Variants in SLC25A13 observed in about 807,000 individuals in gnomAD.
SLC25A13 encodes the protein electrogenic aspartate/glutamate antiporter SLC25A13, mitochondrial.
A neutral mutation model predicts 85.5 loss-of-function variants in SLC25A13; 70 were observed. The observed-to-expected ratio is 0.82, with a 90% confidence interval of 0.68 to 1.00. SLC25A13 has a LOEUF of 1.00. Ranked by LOEUF, SLC25A13 falls within the 50% of genes least tolerant of loss-of-function variation. The probability of loss-of-function intolerance (pLI) is 0.00; values close to 1 mark genes in which losing one functional copy is unlikely to be tolerated. For missense variants in SLC25A13, 765 were observed against 819.8 expected (o/e 0.93, Z 0.82); for synonymous variants, 259 against 288.7 (o/e 0.90, Z 1.04).
chr7:96,256,855 T>C lies in SLC25A13; in HGVS notation c.212+20341A>G, dbSNP rs536059979. ...CTCAGCAAATGTAAAAGAATGGAAA[T>C]CAAAACAGTCTCTCAGACCACAGTG... On this transcript the variant is annotated intron_variant, in intron 3 of 17. Coordinates refer to ENST00000265631, the MANE Select transcript of SLC25A13 (RefSeq NM_014251.3). Among the ~76,000 whole-genome samples the C allele has an allele frequency of 1.2e-4, 18 of 151,724 alleles. No homozygotes were observed. The South Asian group carries it at 2.1e-3, about 18-fold the overall frequency.
intron 4 of SLC25A13, among the ~76,000 whole-genome samples, chr7:96,218,868 A>G (rs577824244): frequency 6.6e-6 from 1 of 152,318 alleles, no homozygotes; most frequent in Non-Finnish European, 1.5e-5. Context: ...AAATCCTCAA[A>G]GAAAGTTGTG....
chr7:96,224,535 T>C (rs1446850697), intron 4 of SLC25A13, among the ~76,000 whole-genome samples: 1 of 152,036 alleles, frequency 6.6e-6, no homozygotes, highest in African/African-American at 2.4e-5. Flanking sequence ...GTCCTGTGAT[T>C]CTCCCCTTCA....
At chr7:96,182,610 C>T (rs759413483) in intron 11 of SLC25A13, among the ~76,000 whole-genome samples, 3 of 152,210 alleles carry the variant, frequency 2.0e-5, no homozygotes, top group Non-Finnish European at 4.4e-5. Flanking sequence ...AGAGTGGAAG[C>T]CTCTTTGCAT....
At chr7:96,137,085 G>GC (rs1411693464) in intron 14 of SLC25A13, among the ~76,000 whole-genome samples, 10 of 152,164 alleles carry the variant, frequency 6.6e-5, no homozygotes, top group Non-Finnish European at 1.5e-4. Context: ...CTTCCCCCAA[G>GC]CAAGTTAACC....
intron 11 of SLC25A13, among the ~76,000 whole-genome samples, chr7:96,182,374 T>G (rs1350239068): frequency 1.3e-5 from 2 of 151,946 alleles, no homozygotes; most frequent in African/African-American, 4.9e-5. Flanking sequence ...GAACTAATCT[T>G]ATATTCACAC....
intron 11 of SLC25A13, among the ~76,000 whole-genome samples, chr7:96,180,248 C>T (rs1794369982): frequency 6.6e-6 from 1 of 152,130 alleles, no homozygotes; most frequent in Non-Finnish European, 1.5e-5. Flanking sequence ...GATCTAATTA[C>T]TCTTTCTGGG....
chr7:96,184,074 C>T (rs1794526258), intron 11 of SLC25A13, among the ~76,000 whole-genome samples: 1 of 152,168 alleles, frequency 6.6e-6, no homozygotes, highest in Admixed American at 6.5e-5. Context: ...CAACAGAGCA[C>T]TATAAATAAT....
chr7:96,146,175 A>T (rs1157391225), intron 14 of SLC25A13, among the ~76,000 whole-genome samples: 2 of 152,216 alleles, frequency 1.3e-5, no homozygotes, highest in Non-Finnish European at 2.9e-5. Context: ...TATAGAGAAA[A>T]CATGGATCGG....
intron 15 of SLC25A13, among the ~76,000 whole-genome samples, chr7:96,123,838 G>A (rs114547086): frequency 0.019 from 2,935 of 152,272 alleles, 73 homozygotes; most frequent in African/African-American, 0.058. Context: ...GTTGATTTTG[G>A]GGGCCAGGGT....
intron 15 of SLC25A13, among the ~76,000 whole-genome samples, chr7:96,130,306 T>C (rs1257409655): frequency 3.3e-5 from 5 of 152,238 alleles, no homozygotes; most frequent in African/African-American, 1.2e-4. Flanking sequence ...TCACAACTTA[T>C]TTTTTGGAGT....
chr7:96,139,998 G>C (rs1267538329), intron 14 of SLC25A13, among the ~76,000 whole-genome samples: 1 of 117,218 alleles, frequency 8.5e-6, no homozygotes, highest in Non-Finnish European at 1.6e-5. Context: ...TCGCTCTGTC[G>C]CCCAGGCTGG....
intron 13 of SLC25A13, among the ~76,000 whole-genome samples, chr7:96,163,380 A>G (rs534701837): frequency 5.8e-4 from 89 of 152,284 alleles, no homozygotes; most frequent in African/African-American, 2.0e-3. Flanking sequence ...GCCACCTTGG[A>G]TATCTATCCC....
intron 1 of SLC25A13, among the ~76,000 whole-genome samples, chr7:96,308,563 G>C (rs1203964169): frequency 6.6e-6 from 1 of 152,176 alleles, no homozygotes; most frequent in East Asian, 1.9e-4. Flanking sequence ...AGCTGGATCA[G>C]AGTTAATCTT....
At chr7:96,166,336 A>G (rs1323370144) in intron 13 of SLC25A13, among the ~76,000 whole-genome samples, 1 of 152,210 alleles carries the variant, frequency 6.6e-6, no homozygotes, top group Non-Finnish European at 1.5e-5. Context: ...ACACAATACT[A>G]TTACTTTCTC....
At chr7:96,304,005 T>G (rs1039622398) in intron 1 of SLC25A13, among the ~76,000 whole-genome samples, 1 of 152,136 alleles carries the variant, frequency 6.6e-6, no homozygotes, top group Non-Finnish European at 1.5e-5. Flanking sequence ...AATCAGTAAT[T>G]GCAAAAGAAA....
chr7:96,321,646 C>T (rs1296634188), intron 1 of SLC25A13, among the ~76,000 whole-genome samples: 1 of 152,148 alleles, frequency 6.6e-6, no homozygotes, highest in Non-Finnish European at 1.5e-5. Context: ...GCGCCCGCTC[C>T]TCCTCGTCGG....
chr7:96,140,139 T>C (rs1000747082), intron 14 of SLC25A13, among the ~76,000 whole-genome samples: 1 of 150,204 alleles, frequency 6.7e-6, no homozygotes, highest in African/African-American at 2.4e-5. Context: ...TTTGTAGTTT[T>C]AGTAGAGACG....
rs1318385882 is a variant in SLC25A13 at position 96,208,928 on chromosome 7, T to C, written c.378A>G (p.Pro126=). 51 of 1,614,100 alleles carry C rather than the reference T, an allele frequency of 3.2e-5. No homozygotes were observed. Among genetic ancestry groups the C allele is most frequent in the Middle Eastern group, 1.6e-4 (1 of 6,062 alleles). ...GCACAAATTCTGAATCCCAGTTAAATGGAATATGTTGATGAATTGTGGTCT... is the reference window on the plus strand; with the variant it reads ...GCACAAATTCTGAATCCCAGTTAAACGGAATATGTTGATGAATTGTGGTCT... ...FGQTTIHQHI[P]FNWDSEFVQL... The change falls in exon 5 of 18, where the codon CCA becomes CCG. Residue 126 remains proline, a synonymous_variant. Coordinates refer to ENST00000265631, the MANE Select transcript of SLC25A13 (RefSeq NM_014251.3).
At chr7:96,230,312 A>G (rs1562862295) in intron 4 of SLC25A13, among the ~76,000 whole-genome samples, 1 of 152,236 alleles carries the variant, frequency 6.6e-6, no homozygotes, top group Non-Finnish European at 1.5e-5. Context: ...AGTTGTTACC[A>G]TTGGGATTGG....
Sources: gnomAD v4.1 joint callset for allele counts (sites outside exome capture counted in the v4.1 genomes callset) on GRCh38, gnomAD v4.1.1 for gene constraint, MANE v1.5 for transcripts, NCBI Gene and HGNC (gene_info 2026-07-23, HGNC 2026-07-21) for gene names.